Variants in SIN3B observed in about 807,000 individuals in gnomAD.
SIN3B encodes the protein paired amphipathic helix protein Sin3b.
A neutral mutation model predicts 120.2 loss-of-function variants in SIN3B; 19 were observed. That is an observed-to-expected ratio of 0.16 (90% CI 0.11 to 0.23). The LOEUF is 0.23. SIN3B is among the 10% of genes least tolerant of loss of function. The probability of loss-of-function intolerance (pLI) is 1.00; values close to 1 mark genes in which losing one functional copy is unlikely to be tolerated. For synonymous variants in SIN3B, 654 were observed against 653.2 expected, an observed-to-expected ratio of 1.00 and a Z score of -0.02; for missense variants, 1,073 against 1,573.0, an observed-to-expected ratio of 0.68 and a Z score of 5.38.
At chr19:16,852,560 C>T (rs964699826) in intron 6 of SIN3B, among the ~76,000 whole-genome samples, 5 of 152,250 alleles carry the variant, frequency 3.3e-5, no homozygotes, top group Non-Finnish European at 7.3e-5. Context: ...CCTCATTCTT[C>T]AGGCACTTTG....
At position 16,876,688 on chromosome 19, in the gene SIN3B, C is replaced by A. The variant is rs2051613370; in HGVS notation, c.2859+110C>A. ...GCCGCGCAGCATCCAGAGACCCTCC[C>A]TCTGCAGGCCACAGGCTCTCCTTGA... On this transcript the variant is annotated intron_variant, in intron 16 of 18. Coordinates refer to ENST00000248054, the MANE Select transcript of SIN3B (RefSeq NM_001297595.2). The surrounding 1 kb of genome is among the most constrained non-coding windows in gnomAD (Gnocchi z 7.1). The A allele has an allele frequency of 1.3e-6, 1 of 798,300 alleles. No individual in the cohort carries two copies. The highest frequency in any genetic ancestry group is 2.6e-5 in the Admixed American group (1 of 37,772). 49.5% of individuals were successfully genotyped at this position (798,300 alleles called of 1,614,324 possible). A position where few individuals can be genotyped will look rare whatever the true frequency, so the allele number is the denominator to read the frequency against.
chr19:16,853,229 T>C (rs954163848), intron 7 of SIN3B, 71 bp downstream of exon 7: 11 of 1,404,510 alleles, frequency 7.8e-6, no homozygotes, highest in Non-Finnish European at 1.1e-5. Context: ...TCCCTGGGCC[T>C]GCCCCAGGAT....
chr19:16,866,616 C>G, intron 12 of SIN3B, 60 bp downstream of exon 12: 1 of 1,526,624 alleles, frequency 6.6e-7, no homozygotes, highest in Non-Finnish European at 9.0e-7. Context: ...TCCCGACCGC[C>G]GGGTCTGTGC....
intron 4 of SIN3B, among the ~76,000 whole-genome samples, chr19:16,843,131 G>A (rs534503360): frequency 2.5e-4 from 38 of 151,724 alleles, no homozygotes; most frequent in African/African-American, 9.0e-4. Context: ...AGAATCTTGC[G>A]CTGTCACCCA....
chr19:16,829,857 A>G lies in SIN3B; in HGVS notation c.187A>G (p.Asn63Asp). The G allele has an allele frequency of 6.2e-7, 1 of 1,613,494 alleles. No homozygotes were observed. Among genetic ancestry groups the G allele is most frequent in the Non-Finnish European group, 8.5e-7 (1 of 1,179,690 alleles). Residue 63 changes from asparagine (N) to aspartate (D), a missense_variant, in exon 2 of 19, where the codon AAC becomes GAC. Asn to Asp is a conservative substitution (Grantham distance 23). This residue lies in a region of SIN3B where 395 missense variants were observed against 528.0 expected (regional missense o/e 0.75). Coordinates refer to ENST00000248054, the MANE Select transcript of SIN3B (RefSeq NM_001297595.2). ...CTTTGGCAGCGACCCTGCCACCTAC[A>G]ACGGCTTCCTGGAGATCATGAAGGA... ...IRFGSDPATY[N>D]GFLEIMKEFK...
intron 5 of SIN3B, among the ~76,000 whole-genome samples, chr19:16,848,525 T>C (rs1971507288): frequency 6.6e-6 from 1 of 151,792 alleles, no homozygotes; most frequent in Non-Finnish European, 1.5e-5. Context: ...TGAGACAGGC[T>C]CTCTGTCTGT....
chr19:16,846,398 G>A (rs1403066522), intron 4 of SIN3B: 5 of 152,258 alleles, frequency 3.3e-5, no homozygotes, highest in African/African-American at 4.8e-5. Context: ...GGAGGCTCCG[G>A]TGCTATTGCC....
At position 16,865,509 on chromosome 19, in the gene SIN3B, C is replaced by G. The variant is rs1397319820; in HGVS notation, c.1483C>G (p.Arg495Gly). The change falls in exon 11 of 19, where the codon CGG (arginine) becomes GGG (glycine). Residue 495 changes from arginine to glycine, a missense_variant. By Grantham distance (125) the Arg-to-Gly change is moderately radical. Transcript: ENST00000248054. ...GGCGCCGGAAGACCAGGAGAAGTTC[C>G]GGCTGGACGACTCCCTGGGAGGCAC... Reference protein sequence around the residue: ...RMAPEDQEKFRLDDSLGGTSE... With the variant: ...RMAPEDQEKFGLDDSLGGTSE... 3.1e-6 allele frequency: 5 copies of G among 1,613,576 alleles called. No homozygotes were observed. The African/African-American group carries it at 4.0e-5, about 13-fold the overall frequency.
intron 8 of SIN3B, among the ~76,000 whole-genome samples, chr19:16,861,470 A>T (rs1971687057): frequency 6.6e-6 from 1 of 152,036 alleles, no homozygotes; most frequent in African/African-American, 2.4e-5. Context: ...CTACAAAAAA[A>T]TTTTTAAATT....
At chr19:16,841,725 TTCCAGTG>T (rs770004065) in intron 3 of SIN3B, 36 bp from the exon 4 acceptor site, 1 of 1,576,222 alleles carries the variant, frequency 6.3e-7, no homozygotes, top group Non-Finnish European at 8.7e-7. Context: ...CACAATCTGT[TTCCAGTG>T]TCGGGCCTGG....
chr19:16,837,657 C>G (rs1359455015), intron 3 of SIN3B, among the ~76,000 whole-genome samples: 1 of 151,084 alleles, frequency 6.6e-6, no homozygotes, highest in East Asian at 2.0e-4. Flanking sequence ...ACGGAGTGGA[C>G]AGTGATAAGG....
chr19:16,864,045 A>G (rs1971726582), intron 10 of SIN3B, among the ~76,000 whole-genome samples: 1 of 152,136 alleles, frequency 6.6e-6, no homozygotes, highest in African/African-American at 2.4e-5. Context: ...TGTAATCCCA[A>G]CACTTTGGGA....
Position 16,878,264 on chromosome 19 carries a change from G to T in SIN3B, c.3036G>T (p.Arg1012=). 6.3e-7 allele frequency: 1 copy of T among 1,599,260 alleles called. No homozygotes were observed. ...LRGEARSSWK[R]LVGVESACDV... ...GTGAGGCCAGGAGCTCCTGGAAGCG[G>T]CTGGTGGGCGTGGAGAGCGCCTGCG... is the stretch of plus-strand genomic sequence containing the variant. Residue 1012 remains arginine, a synonymous_variant, in exon 18 of 19, where the codon CGG becomes CGT. Coordinates refer to ENST00000248054, the MANE Select transcript of SIN3B (RefSeq NM_001297595.2).
At chr19:16,869,076 A>G (rs941353773) in intron 12 of SIN3B, among the ~76,000 whole-genome samples, 1 of 152,134 alleles carries the variant, frequency 6.6e-6, no homozygotes. Flanking sequence ...TCAGCCTCAG[A>G]GGCTTCTCCA....
intron 1 of SIN3B, 119 bp from the exon 2 acceptor site, chr19:16,829,672 C>T: frequency 3.2e-6 from 4 of 1,260,512 alleles, no homozygotes; most frequent in East Asian, 5.0e-5. Context: ...ACCCCTCACC[C>T]CTCACCTCTC....
chr19:16,849,189 C>T (rs985392136), intron 5 of SIN3B, among the ~76,000 whole-genome samples: 12 of 152,094 alleles, frequency 7.9e-5, no homozygotes, highest in African/African-American at 2.9e-4. Flanking sequence ...AAAAAGAAAC[C>T]AAGATGAAAT....
Position 16,829,915 on chromosome 19 carries a change from C to G in SIN3B, c.227+18C>G. ...AGCCAGAGGTACCAGCGGGGCCCCT[C>G]TCCACCTCAGGGGACCCCCCTGGGC... is the stretch of plus-strand genomic sequence containing the variant. On this transcript the variant is annotated intron_variant, in intron 2 of 18. Transcript: ENST00000248054. 1 of 1,578,092 alleles carries G rather than the reference C, an allele frequency of 6.3e-7. No individual in the cohort carries two copies. The highest frequency in any genetic ancestry group is 8.7e-7 in the Non-Finnish European group (1 of 1,147,818).
At chr19:16,859,418 T>A (rs746391993) in intron 8 of SIN3B, among the ~76,000 whole-genome samples, 8 of 152,164 alleles carry the variant, frequency 5.3e-5, no homozygotes, top group Admixed American at 1.3e-4. Flanking sequence ...CGCTTTTCCT[T>A]CCCTTACCAG....
rs1233345703 is a variant in SIN3B, at chr19:16,829,866, C to T, written c.196C>T (p.Leu66=). ...CGACCCTGCCACCTACAACGGCTTC[C>T]TGGAGATCATGAAGGAGTTCAAAAG... ...GSDPATYNGF[L]EIMKEFKSQS... Residue 66 remains leucine (L), a synonymous_variant, in exon 2 of 19, where the codon CTG becomes TTG. Coordinates refer to ENST00000248054, the MANE Select transcript of SIN3B (RefSeq NM_001297595.2). 6.2e-7 allele frequency: 1 copy of T among 1,613,506 alleles called. No homozygotes were observed. Among genetic ancestry groups the T allele is most frequent in the African/African-American group, 1.3e-5 (1 of 74,922 alleles).
Sources: gnomAD v4.1 joint callset for allele counts (sites outside exome capture counted in the v4.1 genomes callset) on GRCh38, gnomAD v4.1.1 for gene constraint, gnomAD v4.1.1 regional missense constraint, Gnocchi (gnomAD v3.1) non-coding constraint, MANE v1.5 for transcripts, NCBI Gene and HGNC (gene_info 2026-07-23, HGNC 2026-07-21) for gene names.